Variants in ABHD12 observed in about 807,000 individuals in gnomAD.
ABHD12 encodes the protein abhydrolase domain containing 12, lysophospholipase.
Under a neutral mutation model 58.3 loss-of-function variants are expected in ABHD12, and 43 were observed. The observed-to-expected ratio is 0.74, with a 90% CI of 0.58 to 0.95. The LOEUF is 0.95. Ranked by LOEUF, ABHD12 falls within the 40% of genes least tolerant of loss-of-function variation. ABHD12 has a pLI of 0.00. For synonymous variants in ABHD12, 219 were observed against 211.2 expected (o/e 1.04, Z -0.32); for missense variants, 539 against 537.2 (o/e 1.00, Z -0.03).
chr20:25,377,086 T>C (rs1305961354), intron 1 of ABHD12, among the ~76,000 whole-genome samples: 1 of 152,224 alleles, frequency 6.6e-6, no homozygotes, highest in Non-Finnish European at 1.5e-5. Flanking sequence ...AGCTTTTTCC[T>C]GAGGCTCTGG....
intron 1 of ABHD12, among the ~76,000 whole-genome samples, chr20:25,367,552 A>G (rs780584645): frequency 6.6e-6 from 1 of 152,168 alleles, no homozygotes; most frequent in Non-Finnish European, 1.5e-5. Context: ...GAAACTCTGT[A>G]CCCATTAAAC....
At chr20:25,381,575 G>A (rs1372096471) in intron 1 of ABHD12, among the ~76,000 whole-genome samples, 1 of 151,486 alleles carries the variant, frequency 6.6e-6, no homozygotes, top group Non-Finnish European at 1.5e-5. Context: ...GCAGAAAAGG[G>A]TAGAAGAAAA....
At chr20:25,330,849 C>A (rs1239160028) in intron 2 of ABHD12, among the ~76,000 whole-genome samples, 5 of 151,860 alleles carry the variant, frequency 3.3e-5, no homozygotes, top group Admixed American at 3.3e-4. Flanking sequence ...GTAGATAAAA[C>A]CACAAAGATG....
rs780345736 is a variant in ABHD12 at position 25,308,468 on chromosome 20, A to T, written c.776T>A (p.Leu259His). 1.2e-6 allele frequency: 2 copies of T among 1,611,974 alleles called. No homozygotes were observed. Among genetic ancestry groups the T allele is most frequent in the South Asian group, 2.2e-5 (2 of 90,580 alleles). ...AACAAGGCACTCACCTCGCTCACAG[A>T]GGCGCCGCACCAGATTTGTCGCCAC... ...TGVATNLVRRLCERETPPDAL... is the reference protein window; with the variant it reads ...TGVATNLVRRHCERETPPDAL... The change falls in exon 8 of 13, where the codon CTC becomes CAC. Residue 259 changes from leucine (L) to histidine (H), a missense_variant. Physicochemically the swap from Leu to His is moderately conservative, Grantham distance 99. Transcript: ENST00000339157.
chr20:25,339,588 G>C, intron 1 of ABHD12: 1 of 1,493,910 alleles, frequency 6.7e-7, no homozygotes, highest in Non-Finnish European at 9.1e-7. Context: ...TTTCTTGAAA[G>C]ACATAGAAAT....
chr20:25,305,933 A>G, intron 10 of ABHD12, among the ~76,000 whole-genome samples: 1 of 152,190 alleles, frequency 6.6e-6, no homozygotes, highest in African/African-American at 2.4e-5. Flanking sequence ...TGGGAGGCCA[A>G]GGCGAGCAGA....
chr20:25,348,446 T>TAAAA (rs59369733), intron 1 of ABHD12, among the ~76,000 whole-genome samples: 3 of 124,272 alleles, frequency 2.4e-5, no homozygotes, highest in East Asian at 2.5e-4. Flanking sequence ...AACCATTTGG[T>TAAAA]AAAAAAAAAA....
At chr20:25,380,429 A>T (rs555915723) in intron 1 of ABHD12, among the ~76,000 whole-genome samples, 42 of 152,140 alleles carry the variant, frequency 2.8e-4, no homozygotes, top group African/African-American at 9.2e-4. Flanking sequence ...TTATTTATTT[A>T]TTTTTTGATA....
chr20:25,308,052 A>AC lies in ABHD12; in HGVS notation c.788-8_788-7insG. On this transcript the variant is annotated splice_polypyrimidine_tract_variant and splice_region_variant and intron_variant, in intron 8 of 12. Coordinates refer to ENST00000339157, the MANE Select transcript of ABHD12 (RefSeq NM_001042472.3). ...AGGGCATCTGGAGGCGTCTCTAGAT[A>AC]AACAAACAGGGAACTGAGAGGTAGG... 6 of 1,575,860 alleles carry AC rather than the reference A, an allele frequency of 3.8e-6. No individual in the cohort carries two copies. Among genetic ancestry groups the AC allele is most frequent in the Non-Finnish European group, 5.2e-6 (6 of 1,145,652 alleles).
intron 1 of ABHD12, among the ~76,000 whole-genome samples, chr20:25,342,095 C>A (rs2089461668): frequency 9.2e-6 from 1 of 108,440 alleles, no homozygotes; most frequent in African/African-American, 3.7e-5. Context: ...AACAGTGAAA[C>A]TCTGTCTCAA....
At chr20:25,387,808 C>T (rs1043551232) in intron 1 of ABHD12, among the ~76,000 whole-genome samples, 4 of 151,000 alleles carry the variant, frequency 2.6e-5, no homozygotes, top group Admixed American at 1.3e-4. Context: ...TTTGGGAGGC[C>T]GAGGTGGGTG....
chr20:25,334,973 A>C (rs1458799235), intron 2 of ABHD12, among the ~76,000 whole-genome samples: 1 of 152,162 alleles, frequency 6.6e-6, no homozygotes, highest in Non-Finnish European at 1.5e-5. Context: ...ATTTAACTAA[A>C]GAGCTTCTGC....
intron 1 of ABHD12, chr20:25,339,871 G>A: frequency 2.4e-6 from 2 of 840,126 alleles, no homozygotes; most frequent in Non-Finnish European, 3.2e-6. Flanking sequence ...GGCACGGTGT[G>A]TCCTTGCATT....
chr20:25,379,900 G>A lies in ABHD12; in HGVS notation c.191+10613C>T, dbSNP rs1178779320. Among the ~76,000 whole-genome samples, 15 of 151,858 alleles carry A rather than the reference G, an allele frequency of 9.9e-5. 1 individual carries two copies. Among genetic ancestry groups the A allele is most frequent in the Admixed American group, 9.8e-4 (15 of 15,234 alleles). On this transcript the variant is annotated intron_variant, in intron 1 of 12. Transcript: ENST00000339157. ...AGATGAGGTCTCCCTTCATTGCCCA[G>A]GCTGGTCTCAGATTCCTGGGCTCAA... is the stretch of plus-strand genomic sequence containing the variant.
Position 25,300,870 on chromosome 20 carries a change from T to C in ABHD12, c.1172A>G (p.Lys391Arg), listed in dbSNP as rs374538824. The C allele has an allele frequency of 1.9e-6, 3 of 1,613,946 alleles. No individual in the cohort carries two copies. The highest frequency in any genetic ancestry group is 2.7e-5 in the African/African-American group (2 of 74,942). Residue 391 changes from lysine (K) to arginine (R), a missense_variant, in exon 13 of 13, where the codon AAG becomes AGG. Transcript: ENST00000339157. ...LPRILREFLG[K>R]SEPEHQH ...TCAGTGCTGGTGCTCAGGCTCCGAC[T>C]TCCCCAGGAATTCCCTAGACCACAG...
intron 2 of ABHD12, among the ~76,000 whole-genome samples, chr20:25,324,015 G>A (rs572559445): frequency 3.3e-5 from 5 of 152,180 alleles, no homozygotes; most frequent in African/African-American, 4.8e-5. Context: ...GTGGGGCAGC[G>A]AGGGGGATGA....
At chr20:25,312,742 C>G (rs1600778313) in intron 6 of ABHD12, among the ~76,000 whole-genome samples, 1 of 151,920 alleles carries the variant, frequency 6.6e-6, no homozygotes, top group Admixed American at 6.6e-5. Context: ...AGAAGCGTCT[C>G]TGCCCGGCCG....
At chr20:25,369,491 A>T (rs2089869954) in intron 1 of ABHD12, among the ~76,000 whole-genome samples, 1 of 152,142 alleles carries the variant, frequency 6.6e-6, no homozygotes, top group Non-Finnish European at 1.5e-5. Flanking sequence ...TCACTTTGCG[A>T]CACTGCCACC....
chr20:25,390,744 C>CCTCCGCCGT lies in ABHD12; in HGVS notation c.-42_-41insACGGCGGAG. On this transcript the variant is annotated 5_prime_UTR_variant, in exon 1 of 13. Coordinates refer to ENST00000339157, the MANE Select transcript of ABHD12 (RefSeq NM_001042472.3). Reference sequence around the variant, plus strand: ...GCCAGCCGCCGACGGCGCCCGCTGGCCTGCGCCGCAGTGCCGCCGCTCACA... The same window carrying CCTCCGCCGT: ...GCCAGCCGCCGACGGCGCCCGCTGGCCTCCGCCGTCTGCGCCGCAGTGCCGCCGCTCACA... 8.0e-7 allele frequency: 1 copy of CCTCCGCCGT among 1,248,206 alleles called. No individual in the cohort carries two copies. The highest frequency in any genetic ancestry group is 1.0e-6 in the Non-Finnish European group (1 of 994,166). The allele number at this position is 1,248,206 out of a possible 1,614,324, so 77.3% of individuals were successfully genotyped here. A position where few individuals can be genotyped will look rare whatever the true frequency, so the allele number is the denominator to read the frequency against.
Sources: allele counts gnomAD v4.1 joint callset (sites outside exome capture counted in the v4.1 genomes callset), GRCh38; gene constraint gnomAD v4.1.1; transcripts MANE v1.5; gene names NCBI Gene and HGNC (gene_info 2026-07-23, HGNC 2026-07-21).